The following PLEKHS1 variants were observed in gnomAD, a reference collection of about 807,000 sequenced individuals.
PLEKHS1 encodes pleckstrin homology domain containing S1, also known as pleckstrin homology domain-containing family S member 1.
Under a neutral mutation model 51.0 loss-of-function variants are expected in PLEKHS1, and 55 were observed. The ratio of observed to expected loss-of-function variants is 1.08; its 90% CI spans 0.87 to 1.35. PLEKHS1 has a LOEUF of 1.35. PLEKHS1 is among the 40% of genes most tolerant of loss of function. The pLI is 0.00. For missense variants in PLEKHS1, 398 were observed against 423.0 expected (o/e 0.94, Z 0.52); for synonymous variants, 153 against 144.8 (o/e 1.06, Z -0.41).
Position 113,775,842 on chromosome 10 carries a change from T to C in PLEKHS1, c.1067T>C (p.Leu356Pro), listed in dbSNP as rs565155078. Residue 356 changes from leucine to proline, a missense_variant, in exon 11 of 12, where the codon CTC becomes CCC. By Grantham distance (98) the Leu-to-Pro change is moderately conservative. Transcript: ENST00000361048. ...CCTGATGTCATCAACTATCTTGCTC[T>C]CACAGAAGCCACAGGACGGATATGG... 34 of 1,612,246 alleles carry C rather than the reference T, an allele frequency of 2.1e-5. No individual in the cohort carries two copies. In the African/African-American group the frequency reaches 4.0e-4, roughly 19 times the overall value.
At chr10:113,757,067 T>C (rs1854154625) in intron 2 of PLEKHS1, among the ~76,000 whole-genome samples, 1 of 152,078 alleles carries the variant, frequency 6.6e-6, no homozygotes, top group African/African-American at 2.4e-5. Flanking sequence ...CCTGCCACCA[T>C]GCCTGGCTCA....
At chr10:113,776,911 TGGG>T (rs1844693440) in intron 11 of PLEKHS1, among the ~76,000 whole-genome samples, 1 of 152,176 alleles carries the variant, frequency 6.6e-6, no homozygotes, top group Admixed American at 6.5e-5. Context: ...TAGGATTTCA[TGGG>T]CCTTTGTAAG....
chr10:113,763,123 G>A (rs1844017198), intron 2 of PLEKHS1, among the ~76,000 whole-genome samples: 1 of 152,062 alleles, frequency 6.6e-6, no homozygotes, highest in South Asian at 2.1e-4. Context: ...TTGAAGCTAT[G>A]TTATAAGGGC....
intron 8 of PLEKHS1, among the ~76,000 whole-genome samples, chr10:113,772,580 T>C (rs559406294): frequency 6.6e-6 from 1 of 152,302 alleles, no homozygotes; most frequent in East Asian, 1.9e-4. Flanking sequence ...CTGGGCATGG[T>C]GGCTAAAGTA....
Position 113,776,407 on chromosome 10 carries a change from T to C in PLEKHS1, c.1091+541T>C, listed in dbSNP as rs138154240. On this transcript the variant is annotated intron_variant, in intron 11 of 11. Coordinates refer to ENST00000361048, the Ensembl canonical transcript of PLEKHS1. The stretch of plus-strand genomic sequence containing the variant: ...TATGGCATTTTTTTAAAACACTTTG[T>C]AATTTATTTTGATGGAAGATTTCAT... Among the ~76,000 whole-genome samples the C allele has an allele frequency of 1.6e-4, 24 of 152,350 alleles. 1 individual carries two copies. The highest frequency in any genetic ancestry group is 5.5e-4 in the African/African-American group (23 of 41,578).
In PLEKHS1 at chr10:113,755,323, T is replaced by A. The variant is rs1246811029; in HGVS notation, c.28+18T>A. 1 of 1,604,876 alleles carries A rather than the reference T, an allele frequency of 6.2e-7. No homozygotes were observed. Among genetic ancestry groups the A allele is most frequent in the East Asian group, 2.3e-5 (1 of 44,346 alleles). ...GAGTCCAGGTACCCGAGGGGTATAATCGCAGAAGCAGAAATCTTTTTATTG... is the reference window on the plus strand; with the variant it reads ...GAGTCCAGGTACCCGAGGGGTATAAACGCAGAAGCAGAAATCTTTTTATTG... On this transcript the variant is annotated intron_variant, in intron 2 of 11. Transcript: ENST00000361048.
At chr10:113,758,775 C>A (rs758956004) in intron 2 of PLEKHS1, among the ~76,000 whole-genome samples, 9 of 152,158 alleles carry the variant, frequency 5.9e-5, no homozygotes, top group Non-Finnish European at 1.2e-4. Flanking sequence ...AGAACACACA[C>A]AACATTTTTG....
intron 6 of PLEKHS1, among the ~76,000 whole-genome samples, chr10:113,769,265 C>T (rs893302645): frequency 2.0e-5 from 3 of 152,302 alleles, no homozygotes; most frequent in African/African-American, 7.2e-5. Flanking sequence ...ATGTATCTTG[C>T]ATTTTTAATA....
At chr10:113,753,078 G>T (rs1853921299) in intron 1 of PLEKHS1, among the ~76,000 whole-genome samples, 1 of 151,904 alleles carries the variant, frequency 6.6e-6, no homozygotes, top group Non-Finnish European at 1.5e-5. Flanking sequence ...ATGATTTTTT[G>T]GCTTTTTGAC....
At chr10:113,757,197 G>A (rs1854163061) in intron 2 of PLEKHS1, among the ~76,000 whole-genome samples, 1 of 152,148 alleles carries the variant, frequency 6.6e-6, no homozygotes, top group South Asian at 2.1e-4. Context: ...ACAGGCATGA[G>A]CACCGCACTG....
At chr10:113,773,429 T>TAAAC (rs1844505099) in intron 8 of PLEKHS1, among the ~76,000 whole-genome samples, 1 of 151,656 alleles carries the variant, frequency 6.6e-6, no homozygotes, top group Non-Finnish European at 1.5e-5. Flanking sequence ...AGACCAAAGA[T>TAAAC]AAATAAATAA....
chr10:113,757,101 T>G (rs1037999740), intron 2 of PLEKHS1, among the ~76,000 whole-genome samples: 2 of 151,954 alleles, frequency 1.3e-5, no homozygotes, highest in South Asian at 2.1e-4. Flanking sequence ...TTTTAGTAGA[T>G]ACAGGGTTTC....
chr10:113,754,194 G>A (rs780889681), intron 1 of PLEKHS1, among the ~76,000 whole-genome samples: 7 of 152,204 alleles, frequency 4.6e-5, no homozygotes, highest in Non-Finnish European at 1.0e-4. Flanking sequence ...TGTTAGGAAG[G>A]AAGAATGAGT....
chr10:113,756,978 GC>G (rs1222268602), intron 2 of PLEKHS1, among the ~76,000 whole-genome samples: 1 of 142,370 alleles, frequency 7.0e-6, no homozygotes, highest in Non-Finnish European at 1.5e-5. Context: ...GTGCAGTGGT[GC>G]GATCTCAACT....
In PLEKHS1 at chr10:113,772,212, G is replaced by C. The variant is rs974683364; in HGVS notation, c.672+123G>C. The C allele has an allele frequency of 2.9e-6, 3 of 1,022,488 alleles. No homozygotes were observed. The African/African-American group carries it at 4.9e-5, about 17-fold the overall frequency. 63.3% of individuals were successfully genotyped at this position (1,022,488 alleles called of 1,614,324 possible). On this transcript the variant is annotated intron_variant, in intron 8 of 11. Coordinates refer to ENST00000361048, the Ensembl canonical transcript of PLEKHS1. ...GGAACACAGAAGTAAATCAAATACA[G>C]ATGACGTGCTCATGGTGCTGACACT...
chr10:113,765,843 C>T (rs1328159660), intron 2 of PLEKHS1, among the ~76,000 whole-genome samples: 2 of 152,000 alleles, frequency 1.3e-5, no homozygotes, highest in African/African-American at 2.4e-5. Context: ...GCAGTCTTTA[C>T]TAAAAAAATT....
intron 11 of PLEKHS1, among the ~76,000 whole-genome samples, chr10:113,779,451 T>A (rs1441902021): frequency 6.6e-6 from 1 of 151,948 alleles, no homozygotes; most frequent in Non-Finnish European, 1.5e-5. Context: ...GTGCCTGTTA[T>A]CCCAGCTACT....
intron 2 of PLEKHS1, among the ~76,000 whole-genome samples, chr10:113,757,035 C>T (rs1470984149): frequency 6.6e-6 from 1 of 151,238 alleles, no homozygotes; most frequent in East Asian, 1.9e-4. Context: ...TCTGCCTCAG[C>T]CTCCCGAGTA....
chr10:113,764,964 CCTAA>C lies in PLEKHS1; in HGVS notation c.29-1444_29-1441del, dbSNP rs1844095540. 1.9e-5 allele frequency: 3 copies of C among 157,272 alleles called. No homozygotes were observed. The South Asian group carries it at 6.0e-4, about 31-fold the overall frequency. The allele number at this position is 157,272 out of a possible 1,614,324, so 9.7% of individuals were successfully genotyped here. A position where few individuals can be genotyped will look rare whatever the true frequency, so the allele number is the denominator to read the frequency against. On this transcript the variant is annotated intron_variant, in intron 2 of 11. Coordinates refer to ENST00000361048, the Ensembl canonical transcript of PLEKHS1. ...CTTCTTTATATCTTTTATATCTCTC[CCTAA>C]CTTTTTGAAAATATAGTGATAATAA...
Sources: gnomAD v4.1 joint callset for allele counts (sites outside exome capture counted in the v4.1 genomes callset) on GRCh38, gnomAD v4.1.1 for gene constraint, MANE v1.5 for transcripts, NCBI Gene and HGNC (gene_info 2026-07-23, HGNC 2026-07-21) for gene names.